The following ARHGAP42 variants were observed in gnomAD, a reference collection of about 807,000 sequenced individuals.
ARHGAP42 encodes the protein rho GTPase-activating protein 42.
Under a neutral mutation model 125.0 loss-of-function variants are expected in ARHGAP42, and 63 were observed. That is an observed-to-expected ratio of 0.50 (90% CI 0.41 to 0.62). The LOEUF is 0.62. Among genes scored for constraint, ARHGAP42 ranks in the 20% least tolerant of loss-of-function variants. The pLI is 0.00. For missense variants in ARHGAP42, 766 were observed against 1,024.2 expected (o/e 0.75, Z 3.44); for synonymous variants, 339 against 351.0 (o/e 0.97, Z 0.38).
intron 1 of ARHGAP42, among the ~76,000 whole-genome samples, chr11:100,690,907 A>G (rs1251490658): frequency 6.6e-6 from 1 of 152,090 alleles, no homozygotes; most frequent in African/African-American, 2.4e-5. Context: ...GCCAACATCC[A>G]TTATTACGTT....
At chr11:100,951,690 C>T (rs1486011689) in intron 12 of ARHGAP42, among the ~76,000 whole-genome samples, 2 of 152,116 alleles carry the variant, frequency 1.3e-5, no homozygotes, top group Non-Finnish European at 1.5e-5. Context: ...CATCTTCATG[C>T]AGTACAGAAT....
At position 100,913,632 on chromosome 11, in the gene ARHGAP42, A is replaced by T; in HGVS notation, c.486+79A>T. ...AATTTCCAAAGGTAAAACTATCTCA[A>T]AATCTGCTACTATTTAATAAAATAA... On this transcript the variant is annotated intron_variant, in intron 5 of 23. Coordinates refer to ENST00000298815, the MANE Select transcript of ARHGAP42 (RefSeq NM_152432.4). 3 of 607,526 alleles carry T rather than the reference A, an allele frequency of 4.9e-6. No individual in the cohort carries two copies. In the South Asian group the frequency reaches 5.9e-5, roughly 12 times the overall value. The allele number at this position is 607,526 out of a possible 1,614,324, so 37.6% of individuals were successfully genotyped here. A position where few individuals can be genotyped will look rare whatever the true frequency, so the allele number is the denominator to read the frequency against.
At chr11:100,740,656 A>G (rs1379469659) in intron 1 of ARHGAP42, among the ~76,000 whole-genome samples, 1 of 152,114 alleles carries the variant, frequency 6.6e-6, no homozygotes, top group Non-Finnish European at 1.5e-5. Context: ...CCTGAAAGTG[A>G]AGGGGATGGT....
chr11:100,895,842 A>C (rs1893683), intron 4 of ARHGAP42, among the ~76,000 whole-genome samples: 41,995 of 151,458 alleles, frequency 0.28, 7,152 homozygotes, highest in East Asian at 0.75. Context: ...TTTTTCTTTT[A>C]TTTTATTTTT....
intron 17 of ARHGAP42, among the ~76,000 whole-genome samples, chr11:100,972,072 G>C (rs1165273634): frequency 6.6e-6 from 1 of 152,134 alleles, no homozygotes; most frequent in Non-Finnish European, 1.5e-5. Flanking sequence ...GCTCTCTACG[G>C]CATAAGGAAA....
At chr11:100,782,705 A>G (rs2135013358) in intron 2 of ARHGAP42, among the ~76,000 whole-genome samples, 1 of 152,274 alleles carries the variant, frequency 6.6e-6, no homozygotes, top group Non-Finnish European at 1.5e-5. Flanking sequence ...TTCTTTGTCA[A>G]GGATAGAATT....
intron 3 of ARHGAP42, among the ~76,000 whole-genome samples, chr11:100,856,184 G>C (rs779553937): frequency 6.6e-6 from 1 of 151,966 alleles, no homozygotes; most frequent in Non-Finnish European, 1.5e-5. Context: ...AGCAAAAATT[G>C]CATTTCTCTA....
intron 23 of ARHGAP42, among the ~76,000 whole-genome samples, chr11:100,987,817 A>ATAAG (rs1234927490): frequency 8.8e-6 from 1 of 113,698 alleles, no homozygotes; most frequent in Non-Finnish European, 2.0e-5. Flanking sequence ...AAATAAATAA[A>ATAAG]TAAATAAATA....
intron 1 of ARHGAP42, among the ~76,000 whole-genome samples, chr11:100,703,157 C>T (rs746933267): frequency 2.4e-4 from 36 of 152,274 alleles, no homozygotes; most frequent in Admixed American, 1.4e-3. Flanking sequence ...CGTGCAACTG[C>T]GCTGGCTTCT....
At chr11:100,690,829 T>C (rs185576461) in intron 1 of ARHGAP42, among the ~76,000 whole-genome samples, 2 of 152,208 alleles carry the variant, frequency 1.3e-5, no homozygotes, top group Non-Finnish European at 2.9e-5. Context: ...CTCGATCTCC[T>C]GACCTCGTGA....
intron 1 of ARHGAP42, among the ~76,000 whole-genome samples, chr11:100,738,019 T>A (rs538781467): frequency 1.3e-5 from 2 of 152,222 alleles, no homozygotes; most frequent in East Asian, 3.9e-4. Flanking sequence ...TAGTAGGCAG[T>A]TGCTAAATGT....
intron 1 of ARHGAP42, among the ~76,000 whole-genome samples, chr11:100,725,371 A>G (rs1012307235): frequency 6.6e-6 from 1 of 151,598 alleles, no homozygotes; most frequent in African/African-American, 2.4e-5. Flanking sequence ...GGGTTTCACC[A>G]TGTTGGTCAG....
chr11:100,881,784 G>A (rs1298313497), intron 4 of ARHGAP42, among the ~76,000 whole-genome samples: 1 of 152,056 alleles, frequency 6.6e-6, no homozygotes, highest in Non-Finnish European at 1.5e-5. Flanking sequence ...TTGTAAAGGT[G>A]TTTTACCATC....
At chr11:100,813,347 T>C (rs1210281912) in intron 3 of ARHGAP42, among the ~76,000 whole-genome samples, 1 of 152,160 alleles carries the variant, frequency 6.6e-6, no homozygotes, top group Non-Finnish European at 1.5e-5. Context: ...GGGGTCAAAG[T>C]CAACCAGTTG....
chr11:100,946,981 T>G (rs540000), intron 10 of ARHGAP42, among the ~76,000 whole-genome samples: 1 of 151,154 alleles, frequency 6.6e-6, no homozygotes, highest in African/African-American at 2.4e-5. Flanking sequence ...GGGCAATGAC[T>G]GTATTCCTAG....
chr11:100,877,724 A>G (rs967398721), intron 4 of ARHGAP42, among the ~76,000 whole-genome samples: 3 of 152,208 alleles, frequency 2.0e-5, no homozygotes, highest in Non-Finnish European at 4.4e-5. Flanking sequence ...AGGTGTTACC[A>G]GGGTGGGCGC....
At chr11:100,829,368 A>T (rs1346808356) in intron 3 of ARHGAP42, among the ~76,000 whole-genome samples, 1 of 152,108 alleles carries the variant, frequency 6.6e-6, no homozygotes, top group East Asian at 1.9e-4. Flanking sequence ...TTCAAAAAAA[A>T]AAAAAAGACT....
rs187387140 is a variant in ARHGAP42 at position 100,931,063 on chromosome 11, T to C, written c.598-2093T>C. ...GTCATTATGTTTCCTATACACCTCA[T>C]ACACATAGCTTGAAGATAATTTTAT... is the stretch of plus-strand genomic sequence containing the variant. On this transcript the variant is annotated intron_variant, in intron 6 of 23. Coordinates refer to ENST00000298815, the MANE Select transcript of ARHGAP42 (RefSeq NM_152432.4). 3.9e-3 allele frequency among the ~76,000 whole-genome samples: 594 copies of C among 152,334 alleles called. 3 individuals are homozygous for C. Among genetic ancestry groups the C allele is most frequent in the African/African-American group, 0.014 (568 of 41,574 alleles).
At chr11:100,837,962 G>A (rs1864854660) in intron 3 of ARHGAP42, among the ~76,000 whole-genome samples, 2 of 7,574 alleles carry the variant, frequency 2.6e-4, no homozygotes, top group African/African-American at 1.3e-3. Flanking sequence ...CTAGGAGACA[G>A]GTCCTGTGCT....
Sources: allele counts gnomAD v4.1 joint callset (sites outside exome capture counted in the v4.1 genomes callset), GRCh38; gene constraint gnomAD v4.1.1; transcripts MANE v1.5; gene names NCBI Gene and HGNC (gene_info 2026-07-23, HGNC 2026-07-21).